The following ANP32E variants were observed in gnomAD, a reference collection of about 807,000 sequenced individuals.
ANP32E encodes acidic nuclear phosphoprotein 32 family member E.
In ANP32E, 14 loss-of-function variants were observed where a neutral mutation model predicts 35.3. That is an observed-to-expected ratio of 0.40 (90% CI 0.26 to 0.62). The LOEUF is 0.62. Among genes scored for constraint, ANP32E ranks in the 20% least tolerant of loss-of-function variants. ANP32E has a pLI of 0.45. For synonymous variants in ANP32E, 89 were observed against 110.4 expected, an observed-to-expected ratio of 0.81 and a Z score of 1.22; for missense variants, 198 against 304.4, an observed-to-expected ratio of 0.65 and a Z score of 2.60.
At chr1:150,229,716 G>C (rs1649199940) in intron 3 of ANP32E, among the ~76,000 whole-genome samples, 1 of 152,222 alleles carries the variant, frequency 6.6e-6, no homozygotes, top group African/African-American at 2.4e-5. Flanking sequence ...GACCTCAGGT[G>C]ATCTGCCTGC....
At chr1:150,225,665 T>TAAAAAAAA (rs1553839622) in intron 5 of ANP32E, among the ~76,000 whole-genome samples, 1 of 83,548 alleles carries the variant, frequency 1.2e-5, no homozygotes. Context: ...AGTGAGACTG[T>TAAAAAAAA]AACAAAAAAA....
At chr1:150,228,412 C>T (rs587614903) in intron 4 of ANP32E, among the ~76,000 whole-genome samples, 3 of 152,192 alleles carry the variant, frequency 2.0e-5, no homozygotes, top group Non-Finnish European at 2.9e-5. Flanking sequence ...TTCATCGGGC[C>T]GGGGCGTGGT....
At chr1:150,226,818 G>C in intron 4 of ANP32E, 23 bp from the exon 5 acceptor site, 2 of 1,591,608 alleles carry the variant, frequency 1.3e-6, no homozygotes, top group Non-Finnish European at 1.7e-6. Context: ...ATTTAAAGAT[G>C]AGTAAATGAC....
In ANP32E at chr1:150,236,049, CAT is replaced by C. The variant is rs1649757014; in HGVS notation, c.-265_-264del. 2.0e-6 allele frequency: 1 copy of C among 511,752 alleles called. No individual in the cohort carries two copies. The highest frequency in any genetic ancestry group is 3.5e-6 in the Non-Finnish European group (1 of 282,720). The allele number at this position is 511,752 out of a possible 1,614,324, so 31.7% of individuals were successfully genotyped here. ...ACACACGCACGCACGCGCGCACACA[CAT>C]ACACACACACATACACACACACACC... is the stretch of plus-strand genomic sequence containing the variant. On this transcript the variant is annotated 5_prime_UTR_variant, in exon 1 of 7. The change abolishes an upstream ATG in the 5' untranslated region. Transcript: ENST00000583931.
rs1394171562 is a variant in ANP32E, at chr1:150,235,035, G to T, written c.54+698C>A. Among the ~76,000 whole-genome samples, 3 of 152,228 alleles carry T rather than the reference G, an allele frequency of 2.0e-5. No homozygotes were observed. The highest frequency in any genetic ancestry group is 4.4e-5 in the Non-Finnish European group (3 of 68,046). ...GTGCCACATATCGTTACACGGCGGG[G>T]GAAGAAGCGGATTACGCCTCCCGTC... is the stretch of plus-strand genomic sequence containing the variant. On this transcript the variant is annotated intron_variant, in intron 1 of 6. Transcript: ENST00000583931. This position sits in a 1 kb window ranked among gnomAD's most constrained non-coding sequence, Gnocchi z 4.2.
chr1:150,229,705 T>C (rs587747787), intron 3 of ANP32E, among the ~76,000 whole-genome samples: 3 of 152,368 alleles, frequency 2.0e-5, no homozygotes, highest in South Asian at 4.1e-4. Flanking sequence ...CTCGAACTCC[T>C]GACCTCAGGT....
At chr1:150,226,539 C>T (rs1246227241) in intron 5 of ANP32E, 69 bp downstream of exon 5, 3 of 1,555,068 alleles carry the variant, frequency 1.9e-6, no homozygotes, top group Admixed American at 2.1e-5. Flanking sequence ...CTACAAAACA[C>T]ACTTTATATA....
intron 5 of ANP32E, among the ~76,000 whole-genome samples, chr1:150,225,668 CA>C (rs1648810070): frequency 6.7e-5 from 8 of 119,244 alleles, no homozygotes; most frequent in Non-Finnish European, 8.0e-5. Context: ...GAGACTGTAA[CA>C]AAAAAAAAAA....
rs782453394 is a variant in ANP32E, at chr1:150,230,585, T to C, written c.313A>G (p.Thr105Ala). 14 of 1,613,480 alleles carry C rather than the reference T, an allele frequency of 8.7e-6. No homozygotes were observed. In the South Asian group the frequency reaches 1.3e-4, roughly 15 times the overall value. Reference protein sequence around the residue: ...LSGNKIKDLSTVEALQNLKNL... With the variant: ...LSGNKIKDLSAVEALQNLKNL... The stretch of plus-strand genomic sequence containing the variant: ...GTTCCACTTACCAGAGCTTCTACTG[T>C]ACTGAGATCTTTTATTTTGTTTCCA... Residue 105 changes from threonine to alanine, a missense_variant, in exon 3 of 7, where the codon ACA becomes GCA. By Grantham distance (58) the Thr-to-Ala change is moderately conservative. Around this residue, in one of 4 missense-constraint regions of ANP32E, gnomAD observed 31 missense variants for 62.6 expected, o/e 0.50. Coordinates refer to ENST00000583931, the MANE Select transcript of ANP32E (RefSeq NM_030920.5).
chr1:150,222,536 G>C (rs973091621), intron 6 of ANP32E, among the ~76,000 whole-genome samples: 1 of 151,422 alleles, frequency 6.6e-6, no homozygotes, highest in Non-Finnish European at 1.5e-5. Flanking sequence ...TGGGCAGATC[G>C]TTTGAACCCA....
intron 5 of ANP32E, among the ~76,000 whole-genome samples, chr1:150,223,493 C>G (rs1351388495): frequency 6.6e-6 from 1 of 151,980 alleles, no homozygotes; most frequent in South Asian, 2.1e-4. Flanking sequence ...CCAGCATGGC[C>G]AACATGGTGA....
At position 150,230,805 on chromosome 1, in the gene ANP32E, G is replaced by A. The variant is rs748477853; in HGVS notation, c.205-112C>T. 9.5e-4 allele frequency: 920 copies of A among 964,306 alleles called. 6 individuals carry two copies. Among genetic ancestry groups the A allele is most frequent in the Middle Eastern group, 3.1e-3 (9 of 2,892 alleles). 59.7% of individuals were successfully genotyped at this position (964,306 alleles called of 1,614,324 possible). A position where few individuals can be genotyped will look rare whatever the true frequency, so the allele number is the denominator to read the frequency against. ...CGCCCAGGCTGGAGTGCAGTGGTGC[G>A]ATCTCCACTCACTGCAACCTCCGCC... is the stretch of plus-strand genomic sequence containing the variant. On this transcript the variant is annotated intron_variant, in intron 2 of 6. Coordinates refer to ENST00000583931, the MANE Select transcript of ANP32E (RefSeq NM_030920.5).
In ANP32E at chr1:150,235,266, C is replaced by G. The variant is rs1553842966; in HGVS notation, c.54+467G>C. Among the ~76,000 whole-genome samples, 2 of 152,338 alleles carry G rather than the reference C, an allele frequency of 1.3e-5. No individual in the cohort carries two copies. The highest frequency in any genetic ancestry group is 6.5e-5 in the Admixed American group (1 of 15,306). On this transcript the variant is annotated intron_variant, in intron 1 of 6. Coordinates refer to ENST00000583931, the MANE Select transcript of ANP32E (RefSeq NM_030920.5). The surrounding 1 kb of genome is among the most constrained non-coding windows in gnomAD (Gnocchi z 4.2). ...TCGCGACGTCGGACGCCCAGGGCCT[C>G]GAGGCCGGGGAAGCCCACCCCCTAA...
rs587652193 is a variant in ANP32E, at chr1:150,229,066, G to A, written c.493+6C>T. The A allele has an allele frequency of 6.8e-6, 11 of 1,611,382 alleles. No individual in the cohort carries two copies. Among genetic ancestry groups the A allele is most frequent in the Middle Eastern group, 1.7e-4 (1 of 6,056 alleles). Reference sequence around the variant, plus strand: ...TGACACACTTATGAGTATTAAGAACGATTACCCTCATCATCCTCCTCTTCA... The same window carrying A: ...TGACACACTTATGAGTATTAAGAACAATTACCCTCATCATCCTCCTCTTCA... On this transcript the variant is annotated splice_donor_region_variant and intron_variant, in intron 4 of 6. Coordinates refer to ENST00000583931, the MANE Select transcript of ANP32E (RefSeq NM_030920.5).
intron 5 of ANP32E, among the ~76,000 whole-genome samples, chr1:150,224,634 G>A (rs868990489): frequency 3.3e-5 from 5 of 151,430 alleles, no homozygotes; most frequent in African/African-American, 4.9e-5. Context: ...CTCCTAACTC[G>A]CCAAGACCCC....
Position 150,232,023 on chromosome 1 carries a change from C to T in ANP32E, c.55-97G>A, listed in dbSNP as rs587622036. On this transcript the variant is annotated intron_variant, in intron 1 of 6. Transcript: ENST00000583931. Reference sequence around the variant, plus strand: ...CACTCTGGAAATGTATTAAAACCACCAATCTCCAGTTTGATTGCCCGTCAG... The same window carrying T: ...CACTCTGGAAATGTATTAAAACCACTAATCTCCAGTTTGATTGCCCGTCAG... 5 of 1,246,638 alleles carry T rather than the reference C, an allele frequency of 4.0e-6. No individual in the cohort carries two copies. The African/African-American group carries it at 7.8e-5, about 19-fold the overall frequency. The allele number at this position is 1,246,638 out of a possible 1,614,324, so 77.2% of individuals were successfully genotyped here. A position where few individuals can be genotyped will look rare whatever the true frequency, so the allele number is the denominator to read the frequency against.
intron 1 of ANP32E, among the ~76,000 whole-genome samples, chr1:150,232,361 AC>A (rs1560005501): frequency 5.7e-3 from 3 of 526 alleles, no homozygotes; most frequent in Non-Finnish European, 0.013. Context: ...AAAAAAAATA[AC>A]AACACAACAG....
Position 150,235,661 on chromosome 1 carries a change from C to T in ANP32E, c.54+72G>A. The T allele has an allele frequency of 1.2e-6, 2 of 1,600,020 alleles. No individual in the cohort carries two copies. The highest frequency in any genetic ancestry group is 1.7e-6 in the Non-Finnish European group (2 of 1,170,612). On this transcript the variant is annotated intron_variant, in intron 1 of 6. Coordinates refer to ENST00000583931, the MANE Select transcript of ANP32E (RefSeq NM_030920.5). This position sits in a 1 kb window ranked among gnomAD's most constrained non-coding sequence, Gnocchi z 4.2. Reference sequence around the variant, plus strand: ...TATTACTCCATCCCCGCACACCCACCCAGGACCACCAGAAATCCGATCCTC... The same window carrying T: ...TATTACTCCATCCCCGCACACCCACTCAGGACCACCAGAAATCCGATCCTC...
At position 150,230,587 on chromosome 1, in the gene ANP32E, C is replaced by T. The variant is rs1649276329; in HGVS notation, c.311G>A (p.Ser104Asn). The change falls in exon 3 of 7, where the codon AGT (serine) becomes AAT (asparagine). Residue 104 changes from serine (S) to asparagine (N), a missense_variant. Physicochemically the swap from Ser to Asn is conservative, Grantham distance 46 (BLOSUM62 1). Around this residue, in one of 4 missense-constraint regions of ANP32E, gnomAD observed 31 missense variants for 62.6 expected, o/e 0.50. Transcript: ENST00000583931. ...TCCACTTACCAGAGCTTCTACTGTA[C>T]TGAGATCTTTTATTTTGTTTCCACT... The part of the protein sequence containing the change: ...NLSGNKIKDL[S>N]TVEALQNLKN... 3.1e-6 allele frequency: 5 copies of T among 1,613,338 alleles called. No individual in the cohort carries two copies. The highest frequency in any genetic ancestry group is 1.7e-5 in the Admixed American group (1 of 59,912).
Sources: gnomAD v4.1 joint callset for allele counts (sites outside exome capture counted in the v4.1 genomes callset) on GRCh38, gnomAD v4.1.1 for gene constraint, gnomAD v4.1.1 regional missense constraint, Gnocchi (gnomAD v3.1) non-coding constraint, MANE v1.5 for transcripts, NCBI Gene and HGNC (gene_info 2026-07-23, HGNC 2026-07-21) for gene names.